Variants in STAG1 observed in about 807,000 individuals in gnomAD.
STAG1 encodes STAG1 cohesin complex component, also known as cohesin subunit SA-1.
A neutral mutation model predicts 170.9 loss-of-function variants in STAG1; 26 were observed. That is an observed-to-expected ratio of 0.15 (90% CI 0.11 to 0.21). STAG1 has a LOEUF of 0.21. Ranked by LOEUF, STAG1 falls within the 10% of genes least tolerant of loss-of-function variation. The pLI is 1.00. For synonymous variants in STAG1, 514 were observed against 497.7 expected, an observed-to-expected ratio of 1.03 and a Z score of -0.44; for missense variants, 964 against 1,509.5, an observed-to-expected ratio of 0.64 and a Z score of 5.99.
intron 1 of STAG1, among the ~76,000 whole-genome samples, chr3:136,641,762 T>C (rs939630261): frequency 6.6e-6 from 1 of 152,224 alleles, no homozygotes; most frequent in African/African-American, 2.4e-5. Flanking sequence ...TTGAATAAGT[T>C]CTACATTTTA....
At chr3:136,379,893 A>G (rs966182897) in intron 22 of STAG1, among the ~76,000 whole-genome samples, 1 of 152,348 alleles carries the variant, frequency 6.6e-6, no homozygotes, top group Non-Finnish European at 1.5e-5. Flanking sequence ...GGCAATGAGG[A>G]ACTACTGAAG....
chr3:136,627,287 A>G (rs1414855320), intron 2 of STAG1, among the ~76,000 whole-genome samples: 5 of 152,066 alleles, frequency 3.3e-5, no homozygotes, highest in Non-Finnish European at 2.9e-5. Flanking sequence ...CAGAAAATAT[A>G]TAAGAATACA....
At chr3:136,674,319 A>G (rs1430704504) in intron 1 of STAG1, among the ~76,000 whole-genome samples, 5 of 152,220 alleles carry the variant, frequency 3.3e-5, no homozygotes, top group African/African-American at 1.2e-4. Flanking sequence ...ACCAACAAAA[A>G]AAGAATAAAC....
chr3:136,658,087 G>A (rs926182300), intron 1 of STAG1, among the ~76,000 whole-genome samples: 4 of 151,628 alleles, frequency 2.6e-5, no homozygotes, highest in South Asian at 2.1e-4. Context: ...CTTCAGGGGG[G>A]GCTGAGGTGG....
intron 6 of STAG1, among the ~76,000 whole-genome samples, chr3:136,527,646 A>C (rs1935113954): frequency 6.6e-6 from 1 of 151,956 alleles, no homozygotes; most frequent in Admixed American, 6.6e-5. Context: ...GTTCCTTTGG[A>C]GGGGGAGAGG....
Position 136,367,079 on chromosome 3 carries a change from C to G in STAG1, c.2549G>C (p.Gly850Ala), listed in dbSNP as rs781304548. The G allele has an allele frequency of 6.2e-7, 1 of 1,607,524 alleles. No individual in the cohort carries two copies. Among genetic ancestry groups the G allele is most frequent in the African/African-American group, 1.3e-5 (1 of 74,856 alleles). ...DQDEENQSME[G>A]DEEDEANKIE... Reference sequence around the variant, plus strand: ...TTTATTAGCTTCATCTTCTTCATCACCCTCTAAACACAGATTACAAATTGG... The same window carrying G: ...TTTATTAGCTTCATCTTCTTCATCAGCCTCTAAACACAGATTACAAATTGG... The change falls in exon 25 of 34, where the codon GGT (glycine) becomes GCT (alanine). Residue 850 changes from glycine to alanine, a missense_variant. Coordinates refer to ENST00000383202, the MANE Select transcript of STAG1 (RefSeq NM_005862.3).
chr3:136,616,840 G>A (rs1345497903), intron 3 of STAG1, among the ~76,000 whole-genome samples: 1 of 152,186 alleles, frequency 6.6e-6, no homozygotes, highest in Non-Finnish European at 1.5e-5. Context: ...TCTGTGGTGA[G>A]CTGTGATCAT....
At chr3:136,588,834 G>C (rs1179483674) in intron 4 of STAG1, among the ~76,000 whole-genome samples, 8 of 152,088 alleles carry the variant, frequency 5.3e-5, no homozygotes, top group African/African-American at 1.9e-4. Flanking sequence ...CACAATCTCA[G>C]CTCACTGCAA....
chr3:136,711,011 C>T (rs1343780520), intron 1 of STAG1, among the ~76,000 whole-genome samples: 1 of 151,554 alleles, frequency 6.6e-6, no homozygotes, highest in African/African-American at 2.4e-5. Flanking sequence ...TGCTATAAAA[C>T]TCCTGGTTAA....
intron 1 of STAG1, among the ~76,000 whole-genome samples, chr3:136,731,299 A>G (rs1271828955): frequency 6.6e-6 from 1 of 152,202 alleles, no homozygotes; most frequent in Non-Finnish European, 1.5e-5. Flanking sequence ...AAGGGTGGAT[A>G]TTTGCTGGAA....
chr3:136,667,785 T>C lies in STAG1; in HGVS notation c.-83-36804A>G, dbSNP rs145397065. ...TGCTGGGATTACAGGTGTGAGCTAC[T>C]GCCCCTGGCCCCATTTCTGTGTTTT... is the stretch of plus-strand genomic sequence containing the variant. On this transcript the variant is annotated intron_variant, in intron 1 of 33. Coordinates refer to ENST00000383202, the MANE Select transcript of STAG1 (RefSeq NM_005862.3). 2.1e-3 allele frequency among the ~76,000 whole-genome samples: 315 copies of C among 152,278 alleles called. 1 individual carries two copies. Among genetic ancestry groups the C allele is most frequent in the African/African-American group, 7.2e-3 (298 of 41,558 alleles).
chr3:136,396,987 A>T (rs2087182722), intron 22 of STAG1, among the ~76,000 whole-genome samples: 1 of 152,194 alleles, frequency 6.6e-6, no homozygotes, highest in Admixed American at 6.5e-5. Context: ...TACTTTCTAA[A>T]TGCAGAGATC....
chr3:136,691,348 T>C lies in STAG1; in HGVS notation c.-83-60367A>G, dbSNP rs148571241. Among the ~76,000 whole-genome samples, 888 of 151,250 alleles carry C rather than the reference T, an allele frequency of 5.9e-3. 10 individuals are homozygous for C. The highest frequency in any genetic ancestry group is 0.02 in the African/African-American group (825 of 41,112). ...TACTCGGGAGGCTGCGGCAGAAGAATGGCATGAACCAGGGAGGTGGAGCTT... is the reference window on the plus strand; with the variant it reads ...TACTCGGGAGGCTGCGGCAGAAGAACGGCATGAACCAGGGAGGTGGAGCTT... On this transcript the variant is annotated intron_variant, in intron 1 of 33. Transcript: ENST00000383202.
chr3:136,638,850 C>T (rs1228821885), intron 1 of STAG1, among the ~76,000 whole-genome samples: 2 of 151,984 alleles, frequency 1.3e-5, no homozygotes, highest in Non-Finnish European at 2.9e-5. Flanking sequence ...TGCAGTGAGC[C>T]AGGATCACGC....
At chr3:136,450,912 A>G (rs2088917386) in intron 14 of STAG1, among the ~76,000 whole-genome samples, 1 of 152,026 alleles carries the variant, frequency 6.6e-6, no homozygotes, top group African/African-American at 2.4e-5. Context: ...ACGCTCAGCT[A>G]ATTTTTTTCT....
At chr3:136,464,787 G>C in intron 13 of STAG1, 94 bp downstream of exon 13, 2 of 989,728 alleles carry the variant, frequency 2.0e-6, no homozygotes, top group Middle Eastern at 2.1e-4. Context: ...TTTCAGCACT[G>C]TGTTCAGTCA....
At chr3:136,555,124 A>G (rs1407182155) in intron 5 of STAG1, among the ~76,000 whole-genome samples, 2 of 148,186 alleles carry the variant, frequency 1.3e-5, no homozygotes, top group East Asian at 3.9e-4. Flanking sequence ...AAATATATAA[A>G]TAACATATAT....
intron 7 of STAG1, among the ~76,000 whole-genome samples, chr3:136,508,958 G>T (rs1933914228): frequency 6.6e-6 from 1 of 152,254 alleles, no homozygotes; most frequent in Non-Finnish European, 1.5e-5. Context: ...GTTTCTCTGG[G>T]GGAACCCAGA....
intron 9 of STAG1, among the ~76,000 whole-genome samples, chr3:136,481,929 C>A (rs1263952511): frequency 2.0e-5 from 1 of 51,084 alleles, no homozygotes; most frequent in Non-Finnish European, 4.2e-5. Context: ...TGGTGATATC[C>A]CCTTTATCAT....
Sources: gnomAD v4.1 joint callset for allele counts (sites outside exome capture counted in the v4.1 genomes callset) on GRCh38, gnomAD v4.1.1 for gene constraint, MANE v1.5 for transcripts, NCBI Gene and HGNC (gene_info 2026-07-23, HGNC 2026-07-21) for gene names.